AAMDC: variants seen among roughly 807,000 people sequenced by gnomAD.
AAMDC encodes the protein adipogenesis associated Mth938 domain containing.
Under a neutral mutation model 15.5 loss-of-function variants are expected in AAMDC, and 16 were observed. The ratio of observed to expected loss-of-function variants is 1.03; its 90% CI spans 0.70 to 1.57. The LOEUF (loss-of-function observed/expected upper bound fraction) is 1.57, where lower values mean the gene tolerates loss of function less well. AAMDC is among the 40% of genes most tolerant of loss of function. The pLI, the probability that AAMDC is intolerant of heterozygous loss-of-function variation, is 0.00. For synonymous variants in AAMDC, 51 were observed against 51.6 expected (o/e 0.99, Z 0.05); for missense variants, 141 against 144.9 (o/e 0.97, Z 0.14).
Position 77,829,364 on chromosome 11 carries a change from C to T in AAMDC, c.-19+8123C>T, listed in dbSNP as rs186314852. Reference sequence around the variant, plus strand: ...AAATAAATTTTTGTTGTTTAAGTTACCAATTTATGGTATTTTTTATAGTAG... The same window carrying T: ...AAATAAATTTTTGTTGTTTAAGTTATCAATTTATGGTATTTTTTATAGTAG... On this transcript the variant is annotated intron_variant, in intron 1 of 3. Transcript: ENST00000393427. Among the ~76,000 whole-genome samples the T allele has an allele frequency of 2.7e-3, 408 of 152,178 alleles. 4 individuals are homozygous for T. The highest frequency in any genetic ancestry group is 9.4e-3 in the African/African-American group (391 of 41,526).
chr11:77,873,665 T>G (rs979357506), downstream of AAMDC, among the ~76,000 whole-genome samples: 1 of 152,174 alleles, frequency 6.6e-6, no homozygotes, highest in Non-Finnish European at 1.5e-5. Context: ...ATGTTAATAT[T>G]ATAATAGTTA....
intron 1 of AAMDC, among the ~76,000 whole-genome samples, chr11:77,826,984 C>T (rs562716582): frequency 3.3e-5 from 5 of 152,018 alleles, no homozygotes; most frequent in African/African-American, 9.6e-5. Context: ...ACACACCCGT[C>T]GTCCCTGCTA....
At chr11:77,848,021 T>G (rs974264413) in intron 2 of AAMDC, among the ~76,000 whole-genome samples, 1 of 152,198 alleles carries the variant, frequency 6.6e-6, no homozygotes, top group African/African-American at 2.4e-5. Flanking sequence ...ATGGATTGGA[T>G]GATGCCTACC....
intron 1 of AAMDC, chr11:77,841,242 T>C (rs1787310739): frequency 1.4e-6 from 1 of 702,358 alleles, no homozygotes; most frequent in African/African-American, 1.7e-5. Context: ...CTCTTAATGT[T>C]GTTATAATGG....
At chr11:77,838,182 G>T (rs1949771514) in intron 1 of AAMDC, among the ~76,000 whole-genome samples, 1 of 151,418 alleles carries the variant, frequency 6.6e-6, no homozygotes, top group African/African-American at 2.4e-5. Flanking sequence ...TATGGTTAAG[G>T]AGACACATAT....
intron 5 of AAMDC, among the ~76,000 whole-genome samples, chr11:77,887,704 G>C (rs1363224391): frequency 6.6e-6 from 1 of 152,168 alleles, no homozygotes; most frequent in South Asian, 2.1e-4. Context: ...TCCTTAAGCT[G>C]ATAAGCAACT....
At chr11:77,890,092 A>G (rs1373962196) in intron 5 of AAMDC, among the ~76,000 whole-genome samples, 1 of 152,202 alleles carries the variant, frequency 6.6e-6, no homozygotes, top group Non-Finnish European at 1.5e-5. Context: ...TGTTCTTCTT[A>G]ATGCTTTCTG....
intron 2 of AAMDC, among the ~76,000 whole-genome samples, chr11:77,858,963 T>G (rs1056877695): frequency 2.0e-5 from 3 of 152,216 alleles, no homozygotes; most frequent in African/African-American, 7.2e-5. Flanking sequence ...TTTGGCACAC[T>G]TTACAGGCCC....
intron 1 of AAMDC, among the ~76,000 whole-genome samples, chr11:77,842,175 A>C (rs1349488271): frequency 1.3e-5 from 2 of 152,116 alleles, no homozygotes; most frequent in African/African-American, 4.8e-5. Flanking sequence ...TGGGGAGAGA[A>C]TATGTCAACC....
At chr11:77,826,613 C>T (rs868677344) in intron 1 of AAMDC, among the ~76,000 whole-genome samples, 1 of 152,144 alleles carries the variant, frequency 6.6e-6, no homozygotes, top group Non-Finnish European at 1.5e-5. Context: ...CAAGTACACT[C>T]CTGCTACACT....
At chr11:77,854,529 ATTAAAAC>A (rs1169800967) in intron 2 of AAMDC, among the ~76,000 whole-genome samples, 1 of 152,234 alleles carries the variant, frequency 6.6e-6, no homozygotes, top group Admixed American at 6.5e-5. Flanking sequence ...CAGGGCAGTA[ATTAAAAC>A]TTAAAACTCC....
At chr11:77,867,358 C>G (rs1951167252) in intron 2 of AAMDC, among the ~76,000 whole-genome samples, 2 of 152,208 alleles carry the variant, frequency 1.3e-5, no homozygotes, top group East Asian at 3.8e-4. Flanking sequence ...GTTAAAACAG[C>G]ATGTCTTCCA....
At chr11:77,822,532 C>A in intron 1 of AAMDC, among the ~76,000 whole-genome samples, 1 of 149,300 alleles carries the variant, frequency 6.7e-6, no homozygotes, top group East Asian at 2.0e-4. Context: ...ATATGAGTAA[C>A]AGGGAAAATG....
chr11:77,870,287 T>C (rs1222022101), intron 3 of AAMDC, among the ~76,000 whole-genome samples: 1 of 150,736 alleles, frequency 6.6e-6, no homozygotes, highest in Non-Finnish European at 1.5e-5. Context: ...CCCAAAATGC[T>C]AGGATTACAA....
chr11:77,841,144 A>G (rs1949913896), intron 1 of AAMDC: 2 of 698,940 alleles, frequency 2.9e-6, no homozygotes. Flanking sequence ...TTGTCCTTTT[A>G]TAATGAACCT....
intron 5 of AAMDC, among the ~76,000 whole-genome samples, chr11:77,892,184 G>T (rs533159268): frequency 0.01 from 1,550 of 152,190 alleles, 28 homozygotes; most frequent in African/African-American, 0.036. Flanking sequence ...CCTACGAAGC[G>T]CCAAGCACTA....
intron 2 of AAMDC, among the ~76,000 whole-genome samples, chr11:77,864,733 C>T (rs766114574): frequency 1.1e-4 from 17 of 152,152 alleles, no homozygotes; most frequent in Non-Finnish European, 1.9e-4. Context: ...AATCTCAACA[C>T]GTTGGGAGAC....
chr11:77,865,495 T>C (rs561208447), intron 2 of AAMDC, among the ~76,000 whole-genome samples: 2 of 152,350 alleles, frequency 1.3e-5, no homozygotes, highest in South Asian at 2.1e-4. Flanking sequence ...CAAACCTATA[T>C]ATGAAATCAT....
chr11:77,902,105 C>T (rs1479273930), downstream of AAMDC, among the ~76,000 whole-genome samples: 8 of 152,308 alleles, frequency 5.3e-5, no homozygotes, highest in East Asian at 1.9e-4. Flanking sequence ...CAAAATGATG[C>T]TTCTCTTTTC....
Sources: gnomAD v4.1 joint callset for allele counts (sites outside exome capture counted in the v4.1 genomes callset) on GRCh38, gnomAD v4.1.1 for gene constraint, MANE v1.5 for transcripts, NCBI Gene and HGNC (gene_info 2026-07-23, HGNC 2026-07-21) for gene names.